TENM4: variants seen among roughly 807,000 people sequenced by gnomAD.
The protein encoded by TENM4 is teneurin transmembrane protein 4.
Under a neutral mutation model 243.3 loss-of-function variants are expected in TENM4, and 82 were observed. The ratio of observed to expected loss-of-function variants is 0.34; its 90% CI spans 0.28 to 0.40. TENM4 has a LOEUF of 0.40. TENM4 is among the 10% of genes least tolerant of loss of function. The pLI is 1.00. For missense variants in TENM4, 3,138 were observed against 3,673.3 expected (o/e 0.85, Z 3.77); for synonymous variants, 1,412 against 1,456.3 (o/e 0.97, Z 0.69).
At chr11:78,683,801 C>T (rs190079436) in intron 29 of TENM4, among the ~76,000 whole-genome samples, 1 of 151,974 alleles carries the variant, frequency 6.6e-6, no homozygotes, top group Admixed American at 6.6e-5. Flanking sequence ...TTGGCTCCTC[C>T]CTAGATTCTT....
At chr11:79,378,735 G>C (rs1363356264) in intron 1 of TENM4, among the ~76,000 whole-genome samples, 1 of 151,958 alleles carries the variant, frequency 6.6e-6, no homozygotes, top group African/African-American at 2.4e-5. Flanking sequence ...AAGAAGATGA[G>C]AGCCAGGCAT....
At chr11:79,407,481 C>T (rs1190708242) in intron 1 of TENM4, among the ~76,000 whole-genome samples, 1 of 152,192 alleles carries the variant, frequency 6.6e-6, no homozygotes, top group Non-Finnish European at 1.5e-5. Flanking sequence ...CACAAGAATC[C>T]TGCTCATCTG....
chr11:78,786,164 A>G, intron 16 of TENM4, among the ~76,000 whole-genome samples: 1 of 152,244 alleles, frequency 6.6e-6, no homozygotes, highest in Non-Finnish European at 1.5e-5. Flanking sequence ...GAAGGGAACG[A>G]AGTGATCAGC....
Position 78,669,786 on chromosome 11 carries a change from C to G in TENM4, c.6559G>C (p.Ala2187Pro). 1.2e-6 allele frequency: 2 copies of G among 1,613,928 alleles called. No homozygotes were observed. The highest frequency in any genetic ancestry group is 3.3e-5 in the Admixed American group (2 of 60,026). Residue 2187 changes from alanine (A) to proline (P), a missense_variant, in exon 32 of 34, where the codon GCC becomes CCC. Ala to Pro is a conservative substitution (Grantham distance 27). Coordinates refer to ENST00000278550, the MANE Select transcript of TENM4 (RefSeq NM_001098816.3). The surrounding 1 kb of genome is among the most constrained non-coding windows in gnomAD (Gnocchi z 6.4). ...TCATAGGAGTAGCGAGTGGTATTGG[C>G]GTAGGGTCCTACCTTCAGCTCCTTC... ...VKKELKVGPY[A>P]NTTRYSYEYD... is the part of the protein sequence containing the mutation.
At chr11:78,868,879 C>T (rs191236862) in intron 9 of TENM4, among the ~76,000 whole-genome samples, 9 of 152,016 alleles carry the variant, frequency 5.9e-5, no homozygotes, top group East Asian at 1.9e-4. Flanking sequence ...AACCCAACCA[C>T]GCAGCTACCC....
chr11:79,389,211 A>G (rs1467774504), intron 1 of TENM4, among the ~76,000 whole-genome samples: 1 of 152,132 alleles, frequency 6.6e-6, no homozygotes, highest in Admixed American at 6.5e-5. Flanking sequence ...GCTGGAGTGC[A>G]GTGGTAAAAT....
At chr11:78,946,702 T>C (rs922474877) in intron 6 of TENM4, among the ~76,000 whole-genome samples, 1 of 152,210 alleles carries the variant, frequency 6.6e-6, no homozygotes, top group Admixed American at 6.5e-5. Context: ...TCAAGATTCA[T>C]AGGAGAGGGG....
Position 79,072,118 on chromosome 11 carries a change from C to A in TENM4, c.-65-2109G>T, listed in dbSNP as rs114149512. Reference sequence around the variant, plus strand: ...TCTGAGTGTCTGAGAAGCAGGACCACAAGGGAAGATCAGTGATAGTACCTT... The same window carrying A: ...TCTGAGTGTCTGAGAAGCAGGACCAAAAGGGAAGATCAGTGATAGTACCTT... On this transcript the variant is annotated intron_variant, in intron 4 of 33. Coordinates refer to ENST00000278550, the MANE Select transcript of TENM4 (RefSeq NM_001098816.3). Among the ~76,000 whole-genome samples the A allele has an allele frequency of 3.1e-3, 479 of 152,252 alleles. 3 individuals are homozygous for A. Among genetic ancestry groups the A allele is most frequent in the African/African-American group, 0.011 (438 of 41,552 alleles).
chr11:79,280,519 C>T (rs1018497718), intron 2 of TENM4, among the ~76,000 whole-genome samples: 5 of 152,186 alleles, frequency 3.3e-5, no homozygotes, highest in Non-Finnish European at 7.3e-5. Context: ...ATGGGAACCA[C>T]ACAGGGAAGA....
At chr11:79,074,508 C>G (rs149646430) in intron 4 of TENM4, among the ~76,000 whole-genome samples, 2 of 152,224 alleles carry the variant, frequency 1.3e-5, no homozygotes, top group African/African-American at 2.4e-5. Flanking sequence ...AACCCATGAG[C>G]GTGACATCCA....
At chr11:78,714,851 G>C (rs1255953283) in intron 25 of TENM4, among the ~76,000 whole-genome samples, 1 of 152,044 alleles carries the variant, frequency 6.6e-6, no homozygotes, top group African/African-American at 2.4e-5. Context: ...ACCTTCCCCA[G>C]CCTTCTCCCC....
In TENM4 at chr11:79,278,489, C is replaced by T. The variant is rs776400937; in HGVS notation, c.-265+18999G>A. On this transcript the variant is annotated intron_variant, in intron 2 of 33. Coordinates refer to ENST00000278550, the MANE Select transcript of TENM4 (RefSeq NM_001098816.3). ...AGGAGGAAAGACCTGGGCCTGCTTG[C>T]GATGGGGAAGCCAGCAGGAGCCGCT... Among the ~76,000 whole-genome samples the T allele has an allele frequency of 1.3e-4, 20 of 152,238 alleles. 1 individual carries two copies. The East Asian group carries it at 2.9e-3, about 22-fold the overall frequency.
At position 79,331,332 on chromosome 11, in the gene TENM4, T is replaced by G. The variant is rs1042258015; in HGVS notation, c.-320-33789A>C. On this transcript the variant is annotated intron_variant, in intron 1 of 33. Coordinates refer to ENST00000278550, the MANE Select transcript of TENM4 (RefSeq NM_001098816.3). ...TAAGAGTCTTGAGTTTAGACTCCAC[T>G]CCCACTGCTCACAGCTGTGTGATCC... 3.9e-5 allele frequency among the ~76,000 whole-genome samples: 6 copies of G among 152,146 alleles called. No homozygotes were observed. The East Asian group carries it at 5.8e-4, about 15-fold the overall frequency.
intron 20 of TENM4, among the ~76,000 whole-genome samples, chr11:78,733,041 C>T (rs1334015936): frequency 2.0e-5 from 3 of 152,156 alleles, no homozygotes; most frequent in African/African-American, 7.2e-5. Context: ...TCATTTTTTT[C>T]ATCTGTAAAA....
intron 4 of TENM4, among the ~76,000 whole-genome samples, chr11:79,086,842 A>AAAG (rs950829429): frequency 6.6e-6 from 1 of 151,740 alleles, no homozygotes; most frequent in Non-Finnish European, 1.5e-5. Flanking sequence ...TCGCAAAAAA[A>AAAG]AAAAAAAAAA....
Position 78,903,205 on chromosome 11 carries a change from G to T in TENM4, c.749+63C>A, listed in dbSNP as rs1418738424. The T allele has an allele frequency of 2.1e-5, 30 of 1,455,002 alleles. 1 individual carries two copies. Among genetic ancestry groups the T allele is most frequent in the Non-Finnish European group, 2.6e-5 (29 of 1,108,174 alleles). The allele number at this position is 1,455,002 out of a possible 1,614,324, so 90.1% of individuals were successfully genotyped here. A position where few individuals can be genotyped will look rare whatever the true frequency, so the allele number is the denominator to read the frequency against. ...ACACTGAATGGCCCCGCCAGCCAAAGACCTTGGTCCGGGCCCCGGGTGCCC... is the reference window on the plus strand; with the variant it reads ...ACACTGAATGGCCCCGCCAGCCAAATACCTTGGTCCGGGCCCCGGGTGCCC... On this transcript the variant is annotated intron_variant, in intron 7 of 33. Transcript: ENST00000278550.
chr11:78,984,529 C>A (rs535120208), intron 6 of TENM4, among the ~76,000 whole-genome samples: 1 of 152,302 alleles, frequency 6.6e-6, no homozygotes, highest in South Asian at 2.1e-4. Flanking sequence ...TGCCCAAATC[C>A]AGTGCCTGAA....
intron 25 of TENM4, among the ~76,000 whole-genome samples, chr11:78,717,274 T>C (rs140948868): frequency 5.9e-5 from 9 of 152,340 alleles, no homozygotes; most frequent in Admixed American, 2.6e-4. Flanking sequence ...GCTGGGAACC[T>C]AGGAGTCTGT....
At chr11:78,835,061 G>A (rs1210808395) in intron 12 of TENM4, among the ~76,000 whole-genome samples, 2 of 152,012 alleles carry the variant, frequency 1.3e-5, no homozygotes, top group Admixed American at 6.5e-5. Context: ...GTCCTTGTGG[G>A]TTTACTCCTG....
Sources: gnomAD v4.1 joint callset for allele counts (sites outside exome capture counted in the v4.1 genomes callset) on GRCh38, gnomAD v4.1.1 for gene constraint, Gnocchi (gnomAD v3.1) non-coding constraint, MANE v1.5 for transcripts, NCBI Gene and HGNC (gene_info 2026-07-23, HGNC 2026-07-21) for gene names.